NDRG1: variants seen among roughly 807,000 people sequenced by gnomAD.
NDRG1 encodes the protein N-myc downstream regulated 1.
A neutral mutation model predicts 56.9 loss-of-function variants in NDRG1; 32 were observed. That is an observed-to-expected ratio of 0.56 (90% CI 0.42 to 0.76). The LOEUF (loss-of-function observed/expected upper bound fraction) is 0.76, where lower values mean the gene tolerates loss of function less well. NDRG1 is among the 30% of genes least tolerant of loss of function. NDRG1 has a pLI of 0.00. For synonymous variants in NDRG1, 211 were observed against 204.1 expected, an observed-to-expected ratio of 1.03 and a Z score of -0.29; for missense variants, 507 against 545.7, an observed-to-expected ratio of 0.93 and a Z score of 0.71.
At chr8:133,256,659 T>C in intron 8 of NDRG1, 118 bp downstream of exon 8, 2 of 894,634 alleles carry the variant, frequency 2.2e-6, no homozygotes, top group South Asian at 2.8e-5. Context: ...CAGTAGAGGG[T>C]AGTGGAGGAG....
At position 133,262,285 on chromosome 8, in the gene NDRG1, T is replaced by G. The variant is rs377062494; in HGVS notation, c.206-118A>C. ...TCCTATTCAGAAGTAGGAAGTGAAC[T>G]TAGAAGAACACAGATGTTGGCGTTT... On this transcript the variant is annotated intron_variant, in intron 4 of 15. Coordinates refer to ENST00000323851, the MANE Select transcript of NDRG1 (RefSeq NM_006096.4). 109 of 1,324,008 alleles carry G rather than the reference T, an allele frequency of 8.2e-5. No individual in the cohort carries two copies. In the East Asian group the frequency reaches 1.8e-3, roughly 22 times the overall value. 82.0% of individuals were successfully genotyped at this position (1,324,008 alleles called of 1,614,324 possible).
Position 133,276,102 on chromosome 8 carries a change from G to C in NDRG1, c.99+4130C>G, listed in dbSNP as rs537082206. 4.6e-5 allele frequency among the ~76,000 whole-genome samples: 7 copies of C among 152,298 alleles called. No individual in the cohort carries two copies. The East Asian group carries it at 1.4e-3, about 29-fold the overall frequency. ...GAATTAACTCAGACGGCTCAGCCCAGGCTGGTGCACAATGCTGGGAAATCT... is the reference window on the plus strand; with the variant it reads ...GAATTAACTCAGACGGCTCAGCCCACGCTGGTGCACAATGCTGGGAAATCT... On this transcript the variant is annotated intron_variant, in intron 3 of 15. Transcript: ENST00000323851.
intron 15 of NDRG1, 80 bp from the exon 16 acceptor site, chr8:133,239,199 T>C: frequency 6.5e-7 from 1 of 1,541,428 alleles, no homozygotes; most frequent in Non-Finnish European, 8.7e-7. Context: ...ACCAGCCACA[T>C]GCTCTTCTAC....
chr8:133,296,953 G>T (rs1287841218), intron 1 of NDRG1, 181 bp downstream of exon 1: 1 of 177,330 alleles, frequency 5.6e-6, no homozygotes, highest in African/African-American at 2.4e-5. Context: ...CACTTCAGCG[G>T]TGTCTGCACC....
At chr8:133,286,918 C>A (rs999911403) in intron 1 of NDRG1, among the ~76,000 whole-genome samples, 7 of 152,116 alleles carry the variant, frequency 4.6e-5, no homozygotes, top group African/African-American at 1.7e-4. Flanking sequence ...TCCTGCAATA[C>A]TAAGGCCGCA....
At chr8:133,242,853 A>G (rs1855461677) in intron 14 of NDRG1, among the ~76,000 whole-genome samples, 1 of 152,264 alleles carries the variant, frequency 6.6e-6, no homozygotes, top group Admixed American at 6.5e-5. Flanking sequence ...GATATGAAGA[A>G]GAATGAATGG....
chr8:133,280,149 G>C (rs1857702674), intron 3 of NDRG1, 83 bp downstream of exon 3: 2 of 1,528,836 alleles, frequency 1.3e-6, no homozygotes, highest in African/African-American at 1.4e-5. Flanking sequence ...TTTGCACAAT[G>C]ATCTACTTAA....
chr8:133,270,488 T>C (rs1291414212), intron 3 of NDRG1, among the ~76,000 whole-genome samples: 1 of 152,016 alleles, frequency 6.6e-6, no homozygotes, highest in Admixed American at 6.6e-5. Flanking sequence ...GGAGGTTCAG[T>C]TCTGGCCAAT....
intron 1 of NDRG1, among the ~76,000 whole-genome samples, chr8:133,287,831 C>A (rs1277928393): frequency 6.6e-6 from 1 of 152,214 alleles, no homozygotes; most frequent in Non-Finnish European, 1.5e-5. Flanking sequence ...TCCCCTGGTG[C>A]GACATCCACC....
intron 4 of NDRG1, 36 bp downstream of exon 4, chr8:133,264,511 C>G: frequency 1.3e-6 from 2 of 1,595,538 alleles, no homozygotes; most frequent in Non-Finnish European, 1.7e-6. Context: ...CTCTTGGGAA[C>G]CGGCTGACAG....
At chr8:133,251,709 G>A (rs1368247343) in intron 9 of NDRG1, among the ~76,000 whole-genome samples, 1 of 152,168 alleles carries the variant, frequency 6.6e-6, no homozygotes, top group African/African-American at 2.4e-5. Context: ...GGGCTAAACT[G>A]TGGCCCTCAA....
In NDRG1 at chr8:133,238,910, C is replaced by T. The variant is rs1276408714; in HGVS notation, c.1153G>A (p.Ala385Thr). 1.2e-5 allele frequency: 19 copies of T among 1,559,220 alleles called. No homozygotes were observed. The highest frequency in any genetic ancestry group is 3.9e-5 in the Admixed American group (2 of 51,528). Residue 385 changes from alanine to threonine, a missense_variant, in exon 16 of 16, where the codon GCC becomes ACC. Ala to Thr is a moderately conservative substitution (Grantham distance 58). Coordinates refer to ENST00000323851, the MANE Select transcript of NDRG1 (RefSeq NM_006096.4). ...GAGACCTCCATGGACTTGGGCCCGGCGCTGTTCCCAGCAGCACCCGAGTTG... is the reference window on the plus strand; with the variant it reads ...GAGACCTCCATGGACTTGGGCCCGGTGCTGTTCCCAGCAGCACCCGAGTTG... Reference protein sequence around the residue: ...TPNSGAAGNSAGPKSMEVSC With the variant: ...TPNSGAAGNSTGPKSMEVSC
At chr8:133,288,750 C>T (rs1408112497) in intron 1 of NDRG1, among the ~76,000 whole-genome samples, 2 of 152,232 alleles carry the variant, frequency 1.3e-5, no homozygotes, top group Admixed American at 6.5e-5. Flanking sequence ...CCAGCCCCAC[C>T]TTTGGAGTGG....
intron 13 of NDRG1, among the ~76,000 whole-genome samples, chr8:133,244,825 T>C (rs1421521249): frequency 6.6e-6 from 1 of 152,198 alleles, no homozygotes; most frequent in Non-Finnish European, 1.5e-5. Flanking sequence ...AAGGAAGTGG[T>C]TGAATTTGGG....
intron 10 of NDRG1, 72 bp downstream of exon 10, chr8:133,250,368 C>G: frequency 7.6e-7 from 1 of 1,320,626 alleles, no homozygotes; most frequent in Non-Finnish European, 1.1e-6. Context: ...TCCCTCTCAT[C>G]TGTCCCACAT....
intron 1 of NDRG1, among the ~76,000 whole-genome samples, chr8:133,288,605 T>C (rs916949521): frequency 3.3e-5 from 5 of 152,184 alleles, no homozygotes; most frequent in Non-Finnish European, 5.9e-5. Context: ...CTGCCCTCCC[T>C]CTGCCTCATG....
intron 3 of NDRG1, among the ~76,000 whole-genome samples, chr8:133,268,483 C>T (rs1306575156): frequency 1.3e-5 from 2 of 152,168 alleles, no homozygotes; most frequent in African/African-American, 4.8e-5. Flanking sequence ...ACAAAGACCC[C>T]GTCTGAGAAC....
chr8:133,286,888 T>C (rs963279287), intron 1 of NDRG1, among the ~76,000 whole-genome samples: 1 of 152,132 alleles, frequency 6.6e-6, no homozygotes, highest in African/African-American at 2.4e-5. Context: ...GGCCTCGGGG[T>C]AGCCTGCATG....
At chr8:133,273,259 AC>A (rs36126347) in intron 3 of NDRG1, among the ~76,000 whole-genome samples, 101,161 of 152,052 alleles carry the variant, frequency 0.67, 35,546 homozygotes, top group East Asian at 1. Context: ...AGCAAATCCA[AC>A]AGAAAAAGCA....
Sources: allele counts gnomAD v4.1 joint callset (sites outside exome capture counted in the v4.1 genomes callset), GRCh38; gene constraint gnomAD v4.1.1; transcripts MANE v1.5; gene names NCBI Gene and HGNC (gene_info 2026-07-23, HGNC 2026-07-21).